The following SYT17 variants were observed in gnomAD, a reference collection of about 807,000 sequenced individuals.
SYT17 encodes synaptotagmin 17, also known as synaptotagmin-17.
Under a neutral mutation model 46.7 loss-of-function variants are expected in SYT17, and 22 were observed. That is an observed-to-expected ratio of 0.47 (90% CI 0.34 to 0.67). The LOEUF is 0.67. Ranked by LOEUF, SYT17 falls within the 30% of genes least tolerant of loss-of-function variation. SYT17 has a pLI of 0.01. For synonymous variants in SYT17, 251 were observed against 248.4 expected (o/e 1.01, Z -0.10); for missense variants, 519 against 612.8 (o/e 0.85, Z 1.62).
At chr16:19,244,052 G>T (rs1216998906) in intron 7 of SYT17, among the ~76,000 whole-genome samples, 1 of 152,098 alleles carries the variant, frequency 6.6e-6, no homozygotes, top group East Asian at 1.9e-4. Context: ...TTTAGTGGTA[G>T]CTCTTATAAT....
At position 19,173,086 on chromosome 16, in the gene SYT17, T is replaced by C. The variant is rs540033828; in HGVS notation, c.33+309T>C. 20 of 560,956 alleles carry C rather than the reference T, an allele frequency of 3.6e-5. No homozygotes were observed. The East Asian group carries it at 5.9e-4, about 17-fold the overall frequency. The allele number at this position is 560,956 out of a possible 1,614,324, so 34.7% of individuals were successfully genotyped here. On this transcript the variant is annotated intron_variant, in intron 2 of 7. Coordinates refer to ENST00000355377, the MANE Select transcript of SYT17 (RefSeq NM_016524.4). ...CAAGAAGACACAGTAATATTCATTG[T>C]GTTTCGAACATATCGTATAGCCCTT...
intron 3 of SYT17, chr16:19,180,183 A>G (rs1274962849): frequency 9.0e-6 from 5 of 553,264 alleles, no homozygotes; most frequent in East Asian, 3.0e-5. Flanking sequence ...TAAATTGGGG[A>G]ATATTTCTTC....
chr16:19,214,473 T>A (rs1186409828), intron 5 of SYT17, among the ~76,000 whole-genome samples: 1 of 152,098 alleles, frequency 6.6e-6, no homozygotes, highest in East Asian at 1.9e-4. Flanking sequence ...GCTCTTGGAT[T>A]ATAGGCATGA....
intron 5 of SYT17, among the ~76,000 whole-genome samples, chr16:19,199,662 G>GTTCAAGTCCCCT (rs1965385792): frequency 5.9e-5 from 9 of 152,280 alleles, no homozygotes; most frequent in Admixed American, 5.9e-4. Context: ...CCTGAGCCCA[G>GTTCAAGTCCCCT]GAGTTCAAGG....
intron 7 of SYT17, among the ~76,000 whole-genome samples, chr16:19,254,477 C>T (rs942796807): frequency 2.4e-4 from 37 of 152,194 alleles, no homozygotes; most frequent in African/African-American, 8.7e-4. Context: ...TGGGCACTGA[C>T]GGGGGAAGAT....
intron 7 of SYT17, among the ~76,000 whole-genome samples, chr16:19,246,353 TAATG>T (rs1452106121): frequency 2.0e-5 from 3 of 151,910 alleles, no homozygotes; most frequent in Non-Finnish European, 2.9e-5. Context: ...AATATATTAA[TAATG>T]AATATTAATA....
intron 2 of SYT17, 40 bp downstream of exon 2, chr16:19,172,817 C>T (rs761458683): frequency 6.2e-7 from 1 of 1,612,720 alleles, no homozygotes. Context: ...GGTTTCTAAT[C>T]AAGAAATGCC....
rs528088345 is a variant in SYT17, at chr16:19,254,577, T to C, written c.1229-12303T>C. ...ATCACCACACTGGCTCAGGTGCTCA[T>C]GGTGAACCTGGAATTTGATTCCAGA... On this transcript the variant is annotated intron_variant, in intron 7 of 7. Coordinates refer to ENST00000355377, the MANE Select transcript of SYT17 (RefSeq NM_016524.4). 3.2e-4 allele frequency among the ~76,000 whole-genome samples: 49 copies of C among 152,332 alleles called. 1 individual carries two copies. The South Asian group carries it at 9.9e-3, about 31-fold the overall frequency.
intron 5 of SYT17, among the ~76,000 whole-genome samples, chr16:19,188,583 A>C (rs1964882873): frequency 6.6e-6 from 1 of 151,924 alleles, no homozygotes; most frequent in Non-Finnish European, 1.5e-5. Context: ...GTTCCCTAGA[A>C]GCAGAGCCAG....
intron 4 of SYT17, 78 bp downstream of exon 4, chr16:19,180,617 C>T: frequency 6.4e-7 from 1 of 1,564,950 alleles, no homozygotes. Context: ...TCATGAAGGG[C>T]AGTGTTATTG....
At chr16:19,247,452 A>G (rs1267891262) in intron 7 of SYT17, among the ~76,000 whole-genome samples, 1 of 152,182 alleles carries the variant, frequency 6.6e-6, no homozygotes, top group Non-Finnish European at 1.5e-5. Context: ...AAAATGACAC[A>G]TCCTTGCCCC....
chr16:19,214,646 C>A (rs558745835), intron 5 of SYT17, among the ~76,000 whole-genome samples: 1 of 152,238 alleles, frequency 6.6e-6, no homozygotes, highest in South Asian at 2.1e-4. Context: ...GTTATTCATA[C>A]GTACAACATA....
rs1202797736 is a variant in SYT17, at chr16:19,184,041, A to G, written c.845A>G (p.Asp282Gly). The change falls in exon 5 of 8, where the codon GAT (aspartate) becomes GGT (glycine). Residue 282 changes from aspartate (D) to glycine (G), a missense_variant. Coordinates refer to ENST00000355377, the MANE Select transcript of SYT17 (RefSeq NM_016524.4). ...RTLLLTVVDF[D>G]KFSRHCVIGK... The stretch of plus-strand genomic sequence containing the variant: ...CTGCTCCTGACCGTGGTGGATTTTG[A>G]TAAGTTCTCCCGCCACTGTGTCATT... 2 of 1,613,904 alleles carry G rather than the reference A, an allele frequency of 1.2e-6. No homozygotes were observed. The highest frequency in any genetic ancestry group is 1.7e-6 in the Non-Finnish European group (2 of 1,180,018).
At chr16:19,182,982 T>A (rs893362600) in intron 4 of SYT17, among the ~76,000 whole-genome samples, 1 of 152,184 alleles carries the variant, frequency 6.6e-6, no homozygotes, top group East Asian at 1.9e-4. Flanking sequence ...CAAAAGAATA[T>A]GCCCGGAGTC....
intron 3 of SYT17, among the ~76,000 whole-genome samples, chr16:19,175,382 C>T (rs757331164): frequency 2.6e-5 from 4 of 151,514 alleles, no homozygotes; most frequent in Non-Finnish European, 4.4e-5. Context: ...AGCCGGGTGC[C>T]GTGGCTCTCA....
chr16:19,213,433 T>C (rs1469295839), intron 5 of SYT17, among the ~76,000 whole-genome samples: 1 of 152,172 alleles, frequency 6.6e-6, no homozygotes, highest in Non-Finnish European at 1.5e-5. Context: ...GGGTAGTAGA[T>C]GTAGGCTCTG....
At chr16:19,178,767 AG>A (rs971065035) in intron 3 of SYT17, among the ~76,000 whole-genome samples, 1 of 152,200 alleles carries the variant, frequency 6.6e-6, no homozygotes, top group African/African-American at 2.4e-5. Flanking sequence ...ATTATGGCTT[AG>A]GGGCATGTTA....
chr16:19,172,781 G>C lies in SYT17; in HGVS notation c.33+4G>C, dbSNP rs1461204765. 6 of 1,613,890 alleles carry C rather than the reference G, an allele frequency of 3.7e-6. No homozygotes were observed. Among genetic ancestry groups the C allele is most frequent in the African/African-American group, 2.7e-5 (2 of 74,862 alleles). ...GCAGTTGGAACCATTAAACGAGGTG[G>C]GTTCATTTGATGATTTGTTTGGTCT... On this transcript the variant is annotated splice_donor_region_variant and intron_variant, in intron 2 of 7. Coordinates refer to ENST00000355377, the MANE Select transcript of SYT17 (RefSeq NM_016524.4).
At chr16:19,258,872 C>T (rs1968769485) in intron 7 of SYT17, among the ~76,000 whole-genome samples, 1 of 152,100 alleles carries the variant, frequency 6.6e-6, no homozygotes, top group South Asian at 2.1e-4. Context: ...TAGCCCTGGC[C>T]CTAATACACA....
Sources: allele counts gnomAD v4.1 joint callset (sites outside exome capture counted in the v4.1 genomes callset), GRCh38; gene constraint gnomAD v4.1.1; transcripts MANE v1.5; gene names NCBI Gene and HGNC (gene_info 2026-07-23, HGNC 2026-07-21).